The following DPF3 variants were observed in gnomAD, a reference collection of about 807,000 sequenced individuals.
DPF3 encodes zinc finger protein DPF3.
Under a neutral mutation model 56.8 loss-of-function variants are expected in DPF3, and 18 were observed. The observed-to-expected ratio is 0.32, with a 90% CI of 0.22 to 0.47. DPF3 has a LOEUF of 0.47. DPF3 is among the 20% of genes least tolerant of loss of function. The probability of loss-of-function intolerance (pLI) is 1.00; values close to 1 mark genes in which losing one functional copy is unlikely to be tolerated. For synonymous variants in DPF3, 188 were observed against 180.2 expected (o/e 1.04, Z -0.35); for missense variants, 403 against 488.8 (o/e 0.82, Z 1.65).
intron 3 of DPF3, among the ~76,000 whole-genome samples, chr14:72,750,958 A>T (rs1306232866): frequency 6.6e-6 from 1 of 152,154 alleles, no homozygotes; most frequent in African/African-American, 2.4e-5. Context: ...TGGGAGACCG[A>T]GGCAGGAGGA....
At chr14:72,718,540 G>A (rs1183258764) in intron 5 of DPF3, among the ~76,000 whole-genome samples, 2 of 152,160 alleles carry the variant, frequency 1.3e-5, no homozygotes, top group African/African-American at 4.8e-5. Flanking sequence ...CACTGTGTGT[G>A]TATTCTCTAG....
rs1218796608 is a variant in DPF3 at position 72,615,149 on chromosome 14, T to C, written c.*4148A>G. 6.6e-6 allele frequency among the ~76,000 whole-genome samples: 1 copy of C among 152,094 alleles called. No individual in the cohort carries two copies. The highest frequency in any genetic ancestry group is 1.5e-5 in the Non-Finnish European group (1 of 67,990). On this transcript the variant is annotated 3_prime_UTR_variant, in exon 11 of 11. Coordinates refer to ENST00000556509, the MANE Select transcript of DPF3 (RefSeq NM_001280542.3). ...GGGGAGTGAGAGAAGAAGGGGCTGC[T>C]TCTGTCCCAGCACTTCCACGACAGG...
chr14:72,663,731 G>A (rs1886325105), intron 8 of DPF3, among the ~76,000 whole-genome samples: 1 of 152,128 alleles, frequency 6.6e-6, no homozygotes, highest in Non-Finnish European at 1.5e-5. Context: ...ATTAAGCTGA[G>A]CGATAAGGGA....
At chr14:72,656,874 T>C (rs2153568937) in intron 8 of DPF3, among the ~76,000 whole-genome samples, 1 of 152,332 alleles carries the variant, frequency 6.6e-6, no homozygotes, top group African/African-American at 2.4e-5. Context: ...AGAGCATCTC[T>C]TCAATAAACT....
At chr14:72,885,035 G>A (rs1886485575) in intron 1 of DPF3, among the ~76,000 whole-genome samples, 1 of 139,028 alleles carries the variant, frequency 7.2e-6, no homozygotes, top group Non-Finnish European at 1.5e-5. Flanking sequence ...CGGGGAATGG[G>A]GAATGGCGTG....
intron 1 of DPF3, among the ~76,000 whole-genome samples, chr14:72,808,481 C>T (rs115781092): frequency 0.01 from 1,551 of 152,224 alleles, 22 homozygotes; most frequent in African/African-American, 0.034. Flanking sequence ...AAGCAGGACC[C>T]GCAAGAAGGT....
chr14:72,837,017 G>A (rs1025224419), intron 1 of DPF3, among the ~76,000 whole-genome samples: 14 of 151,914 alleles, frequency 9.2e-5, no homozygotes, highest in Non-Finnish European at 1.8e-4. Flanking sequence ...TTACAGGCGC[G>A]CACCACCACA....
intron 1 of DPF3, among the ~76,000 whole-genome samples, chr14:72,813,602 G>A (rs1165582694): frequency 6.6e-6 from 1 of 152,188 alleles, no homozygotes; most frequent in Non-Finnish European, 1.5e-5. Context: ...CCTCAGAAAT[G>A]ACATTTTGTC....
intron 1 of DPF3, among the ~76,000 whole-genome samples, chr14:72,867,739 T>A (rs1190848595): frequency 6.6e-6 from 1 of 152,226 alleles, no homozygotes; most frequent in East Asian, 1.9e-4. Context: ...ATAAGTTTGT[T>A]TTTTGTTTTT....
At chr14:72,625,121 A>G (rs1429294781) in intron 9 of DPF3, among the ~76,000 whole-genome samples, 2 of 152,154 alleles carry the variant, frequency 1.3e-5, no homozygotes, top group Non-Finnish European at 2.9e-5. Flanking sequence ...ACTTCTCATC[A>G]TACTTTTGCC....
At chr14:72,784,391 C>T (rs888555036) in intron 1 of DPF3, among the ~76,000 whole-genome samples, 4 of 152,172 alleles carry the variant, frequency 2.6e-5, no homozygotes, top group African/African-American at 9.7e-5. Context: ...CTCAACACCT[C>T]TACATGCCAG....
intron 6 of DPF3, among the ~76,000 whole-genome samples, chr14:72,700,019 C>T (rs1199059663): frequency 6.6e-6 from 1 of 152,108 alleles, no homozygotes; most frequent in African/African-American, 2.4e-5. Context: ...GTTTTACCAG[C>T]CTATTCTGAC....
intron 1 of DPF3, among the ~76,000 whole-genome samples, chr14:72,818,057 C>G (rs1413724784): frequency 6.6e-6 from 1 of 151,858 alleles, no homozygotes; most frequent in Non-Finnish European, 1.5e-5. Context: ...ACCAGCCTGG[C>G]CAACATGGTG....
chr14:72,756,810 AAGAAAGAAAGAC>A (rs1300295262), intron 2 of DPF3, among the ~76,000 whole-genome samples: 4 of 128,048 alleles, frequency 3.1e-5, no homozygotes, highest in Non-Finnish European at 6.6e-5. Flanking sequence ...GATTCTGTGA[AAGAAAGAAAGAC>A]AGAAAGAAAG....
At position 72,795,288 on chromosome 14, in the gene DPF3, AAAAAAAAATATATAT is replaced by A. The variant is rs1567235169; in HGVS notation, c.33-23410_33-23396del. 4.5e-5 allele frequency among the ~76,000 whole-genome samples: 6 copies of A among 133,386 alleles called. 1 individual carries two copies. The highest frequency in any genetic ancestry group is 4.9e-5 in the Non-Finnish European group (3 of 61,508). 87.5% of individuals were successfully genotyped at this position (133,386 alleles called of 152,430 possible). A position where few individuals can be genotyped will look rare whatever the true frequency, so the allele number is the denominator to read the frequency against. On this transcript the variant is annotated intron_variant, in intron 1 of 10. Transcript: ENST00000556509. Reference sequence around the variant, plus strand: ...TGTCCTCTTTTTGACAAAAAAAAAAAAAAAAAAATATATATATATATATATATATAAGGCAGATGG... The same window carrying A: ...TGTCCTCTTTTTGACAAAAAAAAAAAATATATATATATATAAGGCAGATGG...
chr14:72,660,092 G>A (rs1046808818), intron 8 of DPF3, among the ~76,000 whole-genome samples: 1 of 152,036 alleles, frequency 6.6e-6, no homozygotes, highest in Non-Finnish European at 1.5e-5. Flanking sequence ...GTTTCAGTTG[G>A]AGAAGATGAA....
In DPF3 at chr14:72,609,779, CAA is replaced by C. The variant is rs1686776353; in HGVS notation, c.*9516_*9517del. On this transcript the variant is annotated 3_prime_UTR_variant, in exon 11 of 11. Transcript: ENST00000556509. ...GCTTTTTAGAGAAGCCAGGGTGGGCCAAATGGAGATATTGTCTCAAGACCATT... is the reference window on the plus strand; with the variant it reads ...GCTTTTTAGAGAAGCCAGGGTGGGCCATGGAGATATTGTCTCAAGACCATT... 6.6e-6 allele frequency among the ~76,000 whole-genome samples: 1 copy of C among 152,070 alleles called. No homozygotes were observed.
chr14:72,695,247 G>A (rs900503985), intron 6 of DPF3, among the ~76,000 whole-genome samples: 3 of 152,190 alleles, frequency 2.0e-5, no homozygotes, highest in African/African-American at 7.2e-5. Flanking sequence ...ATTATAAATA[G>A]CATTTGCAAG....
chr14:72,876,451 CCAAA>C (rs1886120237), intron 1 of DPF3, among the ~76,000 whole-genome samples: 1 of 152,118 alleles, frequency 6.6e-6, no homozygotes. Flanking sequence ...ATGAGTCTCC[CCAAA>C]CAGTGACTGC....
Sources: gnomAD v4.1 joint callset for allele counts (sites outside exome capture counted in the v4.1 genomes callset) on GRCh38, gnomAD v4.1.1 for gene constraint, MANE v1.5 for transcripts, NCBI Gene and HGNC (gene_info 2026-07-23, HGNC 2026-07-21) for gene names.